The following CASK variants were observed in gnomAD, a reference collection of about 807,000 sequenced individuals.
CASK encodes peripheral plasma membrane protein CASK.
A neutral mutation model predicts 82.9 loss-of-function variants in CASK; 4 were observed. The observed-to-expected ratio is 0.05, with a 90% CI of 0.02 to 0.11. The LOEUF (loss-of-function observed/expected upper bound fraction) is 0.11, where lower values mean the gene tolerates loss of function less well. Among genes scored for constraint, CASK ranks in the 10% least tolerant of loss-of-function variants. The pLI is 1.00. For synonymous variants in CASK, 259 were observed against 253.5 expected (o/e 1.02, Z -0.20); for missense variants, 358 against 720.9 (o/e 0.50, Z 5.76).
At chrX:41,790,203 C>A in intron 2 of CASK, 1 of 986,597 alleles carries the variant, frequency 1.0e-6, no homozygotes, top group South Asian at 2.3e-5. Context: ...TAAACAGATT[C>A]TTGGACTGGT....
chrX:41,774,010 T>C (rs1313573380), intron 3 of CASK, among the ~76,000 whole-genome samples: 2 of 112,075 alleles, frequency 1.8e-5, no homozygotes, highest in Non-Finnish European at 3.8e-5. Flanking sequence ...TACTATAATT[T>C]TTTATATAAT....
intron 12 of CASK, among the ~76,000 whole-genome samples, chrX:41,595,934 C>CA (rs2082618460): frequency 8.9e-6 from 1 of 111,738 alleles, no homozygotes; most frequent in Non-Finnish European, 1.9e-5. Context: ...ATTAGCTACT[C>CA]AATTACAAGC....
In CASK at chrX:41,561,448, T is replaced by C. The variant is rs188192553; in HGVS notation, c.1668+111A>G. ...ATATAAGTTCAAGTCCACATAAATA[T>C]GGTACCAGAAATTCTCTGATTACAG... On this transcript the variant is annotated intron_variant, in intron 17 of 26. Transcript: ENST00000378163. 221 of 553,441 alleles carry C rather than the reference T, an allele frequency of 4.0e-4. No homozygotes were observed. In the African/African-American group the frequency reaches 4.5e-3, roughly 11 times the overall value. The allele number at this position is 553,441 out of a possible 1,213,427, so 45.6% of individuals were successfully genotyped here.
intron 2 of CASK, among the ~76,000 whole-genome samples, chrX:41,793,481 C>T (rs761900255): frequency 3.0e-4 from 34 of 111,629 alleles, no homozygotes; most frequent in Non-Finnish European, 4.3e-4. Context: ...GTTACAGAAC[C>T]GGCTTATTTC....
At chrX:41,656,846 G>GC (rs1362394770) in intron 8 of CASK, among the ~76,000 whole-genome samples, 1 of 111,185 alleles carries the variant, frequency 9.0e-6, no homozygotes, top group Non-Finnish European at 1.9e-5. Context: ...AACTCCCCCT[G>GC]CCCCTCCCTA....
At chrX:41,633,757 C>A (rs1157180349) in intron 9 of CASK, among the ~76,000 whole-genome samples, 1 of 108,646 alleles carries the variant, frequency 9.2e-6, no homozygotes, top group African/African-American at 3.4e-5. Context: ...TTCTTTCTTT[C>A]TTTTTTCTCT....
In CASK at chrX:41,815,515, G is replaced by A. The variant is rs780522991; in HGVS notation, c.173-28232C>T. Reference sequence around the variant, plus strand: ...AAAAAATAAATAGGAACAAAATGGAGCTTCTAGAATTAAAAAAATATATTA... The same window carrying A: ...AAAAAATAAATAGGAACAAAATGGAACTTCTAGAATTAAAAAAATATATTA... On this transcript the variant is annotated intron_variant, in intron 2 of 26. Coordinates refer to ENST00000378163, the MANE Select transcript of CASK (RefSeq NM_001367721.1). Among the ~76,000 whole-genome samples, 23 of 111,594 alleles carry A rather than the reference G, an allele frequency of 2.1e-4. No individual in the cohort carries two copies. In the South Asian group the frequency reaches 8.6e-3, roughly 42 times the overall value.
At chrX:41,857,849 G>C (rs770107970) in intron 1 of CASK, among the ~76,000 whole-genome samples, 33 of 111,886 alleles carry the variant, frequency 2.9e-4, no homozygotes, top group African/African-American at 1.0e-3. Flanking sequence ...TTCCAGAAGT[G>C]GGGGTAAAGA....
At chrX:41,694,123 T>A (rs185318024) in intron 5 of CASK, among the ~76,000 whole-genome samples, 1 of 112,536 alleles carries the variant, frequency 8.9e-6, no homozygotes, top group East Asian at 2.8e-4. Context: ...AAGTGTGAGA[T>A]ATTTACTAAA....
At chrX:41,806,037 G>A (rs1387494424) in intron 2 of CASK, among the ~76,000 whole-genome samples, 2 of 111,719 alleles carry the variant, frequency 1.8e-5, no homozygotes, top group Non-Finnish European at 3.8e-5. Context: ...ATGAGGTACA[G>A]ACATTAAAGA....
chrX:41,603,804 C>G (rs1436114476), intron 12 of CASK, among the ~76,000 whole-genome samples: 1 of 111,838 alleles, frequency 8.9e-6, no homozygotes, highest in African/African-American at 3.2e-5. Context: ...ATGTTTAAAA[C>G]TTAGTTGTCA....
At chrX:41,705,431 T>C (rs1303147998) in intron 5 of CASK, among the ~76,000 whole-genome samples, 1 of 111,617 alleles carries the variant, frequency 9.0e-6, no homozygotes, top group Non-Finnish European at 1.9e-5. Flanking sequence ...GGCATGTGCC[T>C]GTAGTCCCAG....
chrX:41,784,217 A>C (rs1569447726), intron 3 of CASK, among the ~76,000 whole-genome samples: 1 of 111,903 alleles, frequency 8.9e-6, no homozygotes, highest in Non-Finnish European at 1.9e-5. Context: ...TCCAACCCAA[A>C]AAGCCTAACT....
chrX:41,833,441 A>G (rs1463230957), intron 2 of CASK, among the ~76,000 whole-genome samples: 4 of 111,840 alleles, frequency 3.6e-5, no homozygotes, highest in Non-Finnish European at 7.5e-5. Flanking sequence ...AGGCAAATCC[A>G]TAGAAATAGA....
Position 41,517,924 on chromosome X carries a change from A to G in CASK, c.*2496T>C, listed in dbSNP as rs2064583380. The G allele has an allele frequency of 8.7e-6, 4 of 460,792 alleles. No individual in the cohort carries two copies. The East Asian group carries it at 1.6e-4, about 18-fold the overall frequency. The allele number at this position is 460,792 out of a possible 1,213,427, so 38.0% of individuals were successfully genotyped here. The stretch of plus-strand genomic sequence containing the variant: ...ATGTATTAGTGGAATGGAACAGGTA[A>G]CATCTTTGAGAAGTCAATGAGTTCT... On this transcript the variant is annotated 3_prime_UTR_variant, in exon 27 of 27. Coordinates refer to ENST00000378163, the MANE Select transcript of CASK (RefSeq NM_001367721.1).
chrX:41,862,845 A>C (rs1265265758), intron 1 of CASK, among the ~76,000 whole-genome samples: 1 of 112,181 alleles, frequency 8.9e-6, no homozygotes, highest in Non-Finnish European at 1.9e-5. Context: ...GAAAACTTAC[A>C]AATTTCTGGC....
chrX:41,576,175 A>T (rs1012741235), intron 15 of CASK, among the ~76,000 whole-genome samples: 3 of 109,395 alleles, frequency 2.7e-5, no homozygotes, highest in Non-Finnish European at 5.7e-5. Context: ...GGGTTTCACC[A>T]TATTGGCCAC....
chrX:41,877,646 A>G (rs1437070516), intron 1 of CASK, among the ~76,000 whole-genome samples: 2 of 112,030 alleles, frequency 1.8e-5, no homozygotes, highest in Non-Finnish European at 3.8e-5. Context: ...CTACAAAAGC[A>G]GCTATTGAAT....
At chrX:41,727,161 T>TA (rs765876009) in intron 5 of CASK, 7 of 1,204,735 alleles carry the variant, frequency 5.8e-6, no homozygotes, top group South Asian at 3.5e-5. Context: ...CAAAAATAGG[T>TA]AAAAAAACAT....
Sources: allele counts gnomAD v4.1 joint callset (sites outside exome capture counted in the v4.1 genomes callset), GRCh38; gene constraint gnomAD v4.1.1; transcripts MANE v1.5; gene names NCBI Gene and HGNC (gene_info 2026-07-23, HGNC 2026-07-21).